LRP1: variants seen among roughly 807,000 people sequenced by gnomAD.
LRP1 encodes LDL receptor related protein 1.
In LRP1, 51 loss-of-function variants were observed where a neutral mutation model predicts 541.5. The ratio of observed to expected loss-of-function variants is 0.09; its 90% CI spans 0.08 to 0.12. The LOEUF (loss-of-function observed/expected upper bound fraction) is 0.12. LRP1 is among the 10% of genes least tolerant of loss of function. The pLI is 1.00. For synonymous variants in LRP1, 2,219 were observed against 2,470.8 expected, an observed-to-expected ratio of 0.90 and a Z score of 3.02; for missense variants, 3,878 against 6,376.2, an observed-to-expected ratio of 0.61 and a Z score of 13.34.
intron 82 of LRP1, 43 bp from the exon 83 acceptor site, chr12:57,210,675 G>T (rs1242969939): frequency 8.2e-6 from 13 of 1,581,022 alleles, no homozygotes; most frequent in Non-Finnish European, 1.1e-5. Flanking sequence ...GGGCCAGGTG[G>T]TCTCGAGGGC....
chr12:57,153,136 G>A (rs948640158), intron 6 of LRP1, among the ~76,000 whole-genome samples: 1 of 152,154 alleles, frequency 6.6e-6, no homozygotes, highest in Admixed American at 6.5e-5. Context: ...CCAGGCAGGG[G>A]TCCCAGAAAG....
intron 44 of LRP1, 41 bp from the exon 45 acceptor site, chr12:57,192,804 A>G: frequency 3.7e-6 from 6 of 1,613,456 alleles, no homozygotes; most frequent in African/African-American, 1.3e-5. Flanking sequence ...TGCACAGCAG[A>G]GAACACTCTC....
chr12:57,192,762 G>C lies in LRP1; in HGVS notation c.7430-83G>C. 4 of 1,574,870 alleles carry C rather than the reference G, an allele frequency of 2.5e-6. No individual in the cohort carries two copies. The East Asian group carries it at 9.0e-5, about 35-fold the overall frequency. On this transcript the variant is annotated intron_variant, in intron 44 of 88. Transcript: ENST00000243077. The stretch of plus-strand genomic sequence containing the variant: ...AGCAGAGGCTTGGGAGCTCCATGAA[G>C]TCAGTGAATGGGTGGGTGCACTCTG...
chr12:57,166,595 C>T (rs1164185962), intron 17 of LRP1, among the ~76,000 whole-genome samples: 1 of 152,086 alleles, frequency 6.6e-6, no homozygotes, highest in African/African-American at 2.4e-5. Context: ...GAATTTAGGG[C>T]AGAGGGGATG....
intron 8 of LRP1, 95 bp from the exon 9 acceptor site, chr12:57,155,999 A>C: frequency 1.1e-6 from 1 of 903,526 alleles, no homozygotes; most frequent in Non-Finnish European, 1.7e-6. Context: ...TGGGGAATGC[A>C]GGTCATGAAG....
At position 57,173,676 on chromosome 12, in the gene LRP1, G is replaced by T. The variant is rs762245555; in HGVS notation, c.3347-104G>T. On this transcript the variant is annotated intron_variant, in intron 21 of 88. Coordinates refer to ENST00000243077, the MANE Select transcript of LRP1 (RefSeq NM_002332.3). This position sits in a 1 kb window ranked among gnomAD's most constrained non-coding sequence, Gnocchi z 4.7. ...CGGGGTTCCTCGTGGACCCCACAGC[G>T]TTGCAATCCTGACCCTATTAGAGAA... 2.4e-6 allele frequency: 3 copies of T among 1,238,944 alleles called. No homozygotes were observed. Among genetic ancestry groups the T allele is most frequent in the Admixed American group, 3.5e-5 (2 of 56,838 alleles). The allele number at this position is 1,238,944 out of a possible 1,614,324, so 76.7% of individuals were successfully genotyped here.
At chr12:57,174,238 A>G (rs2036000953) in intron 22 of LRP1, among the ~76,000 whole-genome samples, 1 of 152,208 alleles carries the variant, frequency 6.6e-6, no homozygotes, top group African/African-American at 2.4e-5. Context: ...CGTTTGACAG[A>G]TGGGAGCACT....
chr12:57,130,097 G>A (rs1251675804), intron 1 of LRP1, among the ~76,000 whole-genome samples: 4 of 151,950 alleles, frequency 2.6e-5, no homozygotes, highest in African/African-American at 9.7e-5. Flanking sequence ...TTCAAGTCTT[G>A]CCCAAGCTTT....
At chr12:57,169,421 G>C in intron 20 of LRP1, 114 bp downstream of exon 20, 6 of 1,057,168 alleles carry the variant, frequency 5.7e-6, no homozygotes, top group Non-Finnish European at 8.1e-6. Context: ...CTGGGAGCCA[G>C]AGGTAGCCTA....
intron 3 of LRP1, among the ~76,000 whole-genome samples, chr12:57,142,233 G>A (rs1445017900): frequency 6.6e-6 from 1 of 152,252 alleles, no homozygotes; most frequent in Non-Finnish European, 1.5e-5. Flanking sequence ...CCTCAAGCCT[G>A]CGTGTTAGGG....
chr12:57,211,390 C>T lies in LRP1; in HGVS notation c.13091+40C>T, dbSNP rs542150513. On this transcript the variant is annotated intron_variant, in intron 84 of 88. Coordinates refer to ENST00000243077, the MANE Select transcript of LRP1 (RefSeq NM_002332.3). The surrounding 1 kb of genome is among the most constrained non-coding windows in gnomAD (Gnocchi z 4.3). ...CCTCCACAGTTCCACCCAGCTGGGC[C>T]CCTGCCCTGTCCTAGCCCTGCCCTG... 2 of 1,610,700 alleles carry T rather than the reference C, an allele frequency of 1.2e-6. No individual in the cohort carries two copies. Among genetic ancestry groups the T allele is most frequent in the South Asian group, 1.1e-5 (1 of 91,012 alleles).
At chr12:57,133,706 C>A (rs1034709584) in intron 1 of LRP1, among the ~76,000 whole-genome samples, 1 of 144,944 alleles carries the variant, frequency 6.9e-6, no homozygotes, top group Non-Finnish European at 1.5e-5. Flanking sequence ...CTTTAGAGAA[C>A]CCCCCTCTCA....
intron 5 of LRP1, 62 bp downstream of exon 5, chr12:57,145,162 G>T (rs1044639634): frequency 6.2e-7 from 1 of 1,613,202 alleles, no homozygotes; most frequent in African/African-American, 1.3e-5. Flanking sequence ...TTCCCTGGTG[G>T]GTGGTGGCCT....
chr12:57,163,122 A>T, intron 15 of LRP1, 139 bp downstream of exon 15: 3 of 1,213,246 alleles, frequency 2.5e-6, no homozygotes, highest in Non-Finnish European at 3.3e-6. Flanking sequence ...ACAGGAAGCA[A>T]GGGAGGGGGA....
rs1226634760 is a variant in LRP1 at position 57,159,741 on chromosome 12, G to C, written c.1799-84G>C. 4.3e-6 allele frequency: 6 copies of C among 1,408,242 alleles called. No homozygotes were observed. The African/African-American group carries it at 7.0e-5, about 16-fold the overall frequency. The allele number at this position is 1,408,242 out of a possible 1,614,324, so 87.2% of individuals were successfully genotyped here. A position where few individuals can be genotyped will look rare whatever the true frequency, so the allele number is the denominator to read the frequency against. The stretch of plus-strand genomic sequence containing the variant: ...CCTCTGTAGCCCAGACTGCTCAAAG[G>C]TACCTGAGTCCGGGAGGGCCAGAGG... On this transcript the variant is annotated intron_variant, in intron 11 of 88. Coordinates refer to ENST00000243077, the MANE Select transcript of LRP1 (RefSeq NM_002332.3).
chr12:57,182,358 A>C (rs1399932558), intron 34 of LRP1, among the ~76,000 whole-genome samples: 3 of 152,140 alleles, frequency 2.0e-5, no homozygotes, highest in African/African-American at 7.2e-5. Context: ...TAAAACCACA[A>C]AAATTAGCTG....
intron 33 of LRP1, 33 bp downstream of exon 33, chr12:57,180,840 CAG>C (rs2036150120): frequency 1.9e-6 from 3 of 1,609,802 alleles, no homozygotes; most frequent in South Asian, 1.1e-5. Context: ...GCTGGGGGCT[CAG>C]GGGCAACAGG....
At position 57,197,033 on chromosome 12, in the gene LRP1, G is replaced by A. The variant is rs763064412; in HGVS notation, c.8944G>A (p.Asp2982Asn). The A allele has an allele frequency of 1.2e-6, 2 of 1,613,922 alleles. No homozygotes were observed. Among genetic ancestry groups the A allele is most frequent in the South Asian group, 2.2e-5 (2 of 91,084 alleles). The change falls in exon 56 of 89, where the codon GAT (aspartate) becomes AAT (asparagine). Residue 2982 changes from aspartate (D) to asparagine (N), a missense_variant. Asp to Asn is a conservative substitution (Grantham distance 23). This residue lies in a region of LRP1 where 1,100 missense variants were observed against 1,827.4 expected (regional missense o/e 0.60). Coordinates refer to ENST00000243077, the MANE Select transcript of LRP1 (RefSeq NM_002332.3). The surrounding 1 kb of genome is among the most constrained non-coding windows in gnomAD (Gnocchi z 4.5). Reference sequence around the variant, plus strand: ...GAAGGACGACGGCCGGACGTGTGCTGATGTGGACGAGTGCAGCACCACCTT... The same window carrying A: ...GAAGGACGACGGCCGGACGTGTGCTAATGTGGACGAGTGCAGCACCACCTT... ...RLKDDGRTCA[D>N]VDECSTTFPC...
In LRP1 at chr12:57,211,619, AG is replaced by A; in HGVS notation, c.13193+32del. The A allele has an allele frequency of 6.2e-7, 1 of 1,609,790 alleles. No individual in the cohort carries two copies. ...TTGGGCCCGGGCTTCACCCAGGCAT[AG>A]ATCATCGCTCCCTTCCCCAGATTTG... On this transcript the variant is annotated intron_variant, in intron 85 of 88. Coordinates refer to ENST00000243077, the MANE Select transcript of LRP1 (RefSeq NM_002332.3). This position sits in a 1 kb window ranked among gnomAD's most constrained non-coding sequence, Gnocchi z 4.3.
Sources: gnomAD v4.1 joint callset for allele counts (sites outside exome capture counted in the v4.1 genomes callset) on GRCh38, gnomAD v4.1.1 for gene constraint, gnomAD v4.1.1 regional missense constraint, Gnocchi (gnomAD v3.1) non-coding constraint, MANE v1.5 for transcripts, NCBI Gene and HGNC (gene_info 2026-07-23, HGNC 2026-07-21) for gene names.